Variants in IL1RAPL2 observed in about 807,000 individuals in gnomAD.
IL1RAPL2 encodes X-linked interleukin-1 receptor accessory protein-like 2.
A neutral mutation model predicts 44.1 loss-of-function variants in IL1RAPL2; 3 were observed. That is an observed-to-expected ratio of 0.07 (90% CI 0.03 to 0.18). The LOEUF (loss-of-function observed/expected upper bound fraction) is 0.18, where lower values mean the gene tolerates loss of function less well. Among genes scored for constraint, IL1RAPL2 ranks in the 10% least tolerant of loss-of-function variants. The pLI is 1.00. For synonymous variants in IL1RAPL2, 181 were observed against 178.8 expected (o/e 1.01, Z -0.10); for missense variants, 391 against 496.4 (o/e 0.79, Z 2.02).
intron 6 of IL1RAPL2, among the ~76,000 whole-genome samples, chrX:105,586,645 A>G (rs182144303): frequency 8.9e-6 from 1 of 112,113 alleles, no homozygotes; most frequent in African/African-American, 3.2e-5. Context: ...TCTGGCTCAT[A>G]GGAACACACA....
At chrX:104,864,770 C>A (rs1178921710) in intron 2 of IL1RAPL2, among the ~76,000 whole-genome samples, 1 of 111,365 alleles carries the variant, frequency 9.0e-6, no homozygotes, top group Non-Finnish European at 1.9e-5. Flanking sequence ...CCCATCCTTC[C>A]CCAGGAAGAC....
At chrX:105,690,668 A>T (rs1479504739) in intron 6 of IL1RAPL2, among the ~76,000 whole-genome samples, 4 of 112,234 alleles carry the variant, frequency 3.6e-5, no homozygotes, top group Non-Finnish European at 7.5e-5. Context: ...AACATACCAA[A>T]AACATTAGAA....
At chrX:104,574,523 C>G (rs745330238) in intron 1 of IL1RAPL2, among the ~76,000 whole-genome samples, 1 of 111,693 alleles carries the variant, frequency 9.0e-6, no homozygotes, top group Non-Finnish European at 1.9e-5. Context: ...TGTAAAATAC[C>G]TTCTATGACT....
At chrX:104,918,092 A>G (rs1296059045) in intron 2 of IL1RAPL2, among the ~76,000 whole-genome samples, 1 of 112,430 alleles carries the variant, frequency 8.9e-6, no homozygotes, top group Non-Finnish European at 1.9e-5. Flanking sequence ...TTAGGCATTA[A>G]CTATAGAATT....
intron 2 of IL1RAPL2, among the ~76,000 whole-genome samples, chrX:105,034,100 T>A (rs2031572098): frequency 8.9e-6 from 1 of 111,966 alleles, no homozygotes; most frequent in Non-Finnish European, 1.9e-5. Flanking sequence ...CTTCTCTGCA[T>A]TGGTTATTGT....
chrX:104,901,660 A>G (rs12393983), intron 2 of IL1RAPL2, among the ~76,000 whole-genome samples: 6,335 of 111,067 alleles, frequency 0.057, 465 homozygotes, highest in African/African-American at 0.2. Context: ...AGTGAATCCC[A>G]TATGGAAGAA....
At chrX:105,647,115 C>G (rs1036067766) in intron 6 of IL1RAPL2, among the ~76,000 whole-genome samples, 4 of 112,039 alleles carry the variant, frequency 3.6e-5, no homozygotes, top group Non-Finnish European at 7.5e-5. Flanking sequence ...CTTAGCTGCA[C>G]AGGAACAATA....
chrX:105,234,149 C>A, intron 4 of IL1RAPL2, 145 bp downstream of exon 4: 1 of 436,985 alleles, frequency 2.3e-6, no homozygotes, highest in Non-Finnish European at 3.7e-6. Flanking sequence ...TAATTCAGAG[C>A]TGTGACTCTT....
intron 2 of IL1RAPL2, among the ~76,000 whole-genome samples, chrX:105,022,136 T>C (rs772194449): frequency 1.4e-4 from 15 of 111,111 alleles, no homozygotes; most frequent in Admixed American, 1.3e-3. Flanking sequence ...CAGCATCCCA[T>C]ACATTATGTA....
chrX:105,513,295 T>G (rs1027784660), intron 6 of IL1RAPL2, among the ~76,000 whole-genome samples: 5 of 111,547 alleles, frequency 4.5e-5, no homozygotes, highest in South Asian at 3.8e-4. Flanking sequence ...GTAATGGGAT[T>G]GCTGGGTCAA....
At chrX:104,797,938 CTT>C (rs948136012) in intron 2 of IL1RAPL2, among the ~76,000 whole-genome samples, 1 of 111,783 alleles carries the variant, frequency 8.9e-6, no homozygotes, top group African/African-American at 3.3e-5. Flanking sequence ...AGCGCTTTCT[CTT>C]GTTACTTCTA....
intron 5 of IL1RAPL2, among the ~76,000 whole-genome samples, chrX:105,377,390 G>A (rs752013266): frequency 2.9e-4 from 32 of 109,529 alleles, no homozygotes; most frequent in Non-Finnish European, 5.1e-4. Context: ...GTGTGTGTGT[G>A]TGTGTATGTG....
intron 6 of IL1RAPL2, among the ~76,000 whole-genome samples, chrX:105,633,240 A>G (rs1417279567): frequency 2.7e-5 from 3 of 111,899 alleles, no homozygotes; most frequent in Non-Finnish European, 1.9e-5. Context: ...CCAAAAACTA[A>G]TTTAGCTAGG....
At chrX:104,823,860 C>T (rs1921377605) in intron 2 of IL1RAPL2, among the ~76,000 whole-genome samples, 1 of 112,036 alleles carries the variant, frequency 8.9e-6, no homozygotes, top group African/African-American at 3.2e-5. Context: ...TCCTCTCTTC[C>T]TATTTGCATA....
At chrX:105,760,692 A>G (rs2038679714) in intron 10 of IL1RAPL2, among the ~76,000 whole-genome samples, 1 of 112,156 alleles carries the variant, frequency 8.9e-6, no homozygotes, top group Non-Finnish European at 1.9e-5. Context: ...CCCTGTAGTC[A>G]TCAGGTCTCA....
intron 6 of IL1RAPL2, among the ~76,000 whole-genome samples, chrX:105,543,466 G>T (rs750502147): frequency 1.1e-3 from 124 of 111,855 alleles, no homozygotes; most frequent in African/African-American, 3.9e-3. Context: ...CATTGGAGTG[G>T]TGAAATGCAC....
chrX:105,352,684 G>A (rs930965009), intron 5 of IL1RAPL2, among the ~76,000 whole-genome samples: 11 of 108,849 alleles, frequency 1.0e-4, no homozygotes, highest in African/African-American at 3.4e-4. Context: ...ATGGCCAGTG[G>A]TGATGAGCAT....
At chrX:105,191,764 A>G (rs1365771401) in intron 2 of IL1RAPL2, among the ~76,000 whole-genome samples, 4 of 112,464 alleles carry the variant, frequency 3.6e-5, no homozygotes, top group Non-Finnish European at 5.6e-5. Context: ...AAGGGCAGAC[A>G]TACATTCACT....
At chrX:105,012,033 G>A (rs2227032) in intron 2 of IL1RAPL2, among the ~76,000 whole-genome samples, 2,453 of 110,980 alleles carry the variant, frequency 0.022, 70 homozygotes, top group African/African-American at 0.076. Context: ...TTTAATCACA[G>A]GATAGATCAT....
Sources: allele counts gnomAD v4.1 joint callset (sites outside exome capture counted in the v4.1 genomes callset), GRCh38; gene constraint gnomAD v4.1.1; transcripts MANE v1.5; gene names NCBI Gene and HGNC (gene_info 2026-07-23, HGNC 2026-07-21).